ROR1: variants seen among roughly 807,000 people sequenced by gnomAD.
ROR1 encodes inactive tyrosine-protein kinase transmembrane receptor ROR1.
ROR1 carries 19 observed loss-of-function variants against 78.8 expected under a neutral mutation model. That is an observed-to-expected ratio of 0.24 (90% CI 0.17 to 0.35). The LOEUF (loss-of-function observed/expected upper bound fraction) is 0.35, where lower values mean the gene tolerates loss of function less well. Ranked by LOEUF, ROR1 falls within the 10% of genes least tolerant of loss-of-function variation. The pLI is 1.00. For synonymous variants in ROR1, 386 were observed against 433.6 expected (o/e 0.89, Z 1.36); for missense variants, 917 against 1,177.8 (o/e 0.78, Z 3.24).
intron 4 of ROR1, among the ~76,000 whole-genome samples, chr1:64,128,458 G>C (rs1364888614): frequency 1.3e-5 from 2 of 152,116 alleles, no homozygotes; most frequent in African/African-American, 4.8e-5. Context: ...GACAGAGTGA[G>C]ATCCTGTCTC....
At chr1:63,904,782 C>T (rs908372027) in intron 1 of ROR1, among the ~76,000 whole-genome samples, 2 of 152,166 alleles carry the variant, frequency 1.3e-5, no homozygotes, top group Admixed American at 6.5e-5. Flanking sequence ...GGACAGAAGA[C>T]AGCCATCTGT....
At chr1:63,969,941 C>T (rs1266631185) in intron 1 of ROR1, among the ~76,000 whole-genome samples, 1 of 152,110 alleles carries the variant, frequency 6.6e-6, no homozygotes, top group Non-Finnish European at 1.5e-5. Context: ...ATTACCTGCC[C>T]TCTTTTTCCT....
At chr1:64,104,739 G>T (rs1448066344) in intron 4 of ROR1, among the ~76,000 whole-genome samples, 1 of 152,122 alleles carries the variant, frequency 6.6e-6, no homozygotes, top group East Asian at 1.9e-4. Context: ...GTGATAGTTT[G>T]CTGAGAATGA....
chr1:63,880,765 T>C (rs774697121), intron 1 of ROR1, among the ~76,000 whole-genome samples: 37 of 152,160 alleles, frequency 2.4e-4, no homozygotes, highest in Non-Finnish European at 4.9e-4. Context: ...TGCATATCCA[T>C]CCATCTATCC....
intron 1 of ROR1, among the ~76,000 whole-genome samples, chr1:63,959,043 T>C (rs1177997939): frequency 6.6e-6 from 1 of 152,116 alleles, no homozygotes; most frequent in Admixed American, 6.6e-5. Context: ...ACTCGGTAAT[T>C]TATAAAGGAA....
intron 1 of ROR1, among the ~76,000 whole-genome samples, chr1:63,790,179 C>G (rs546624939): frequency 6.6e-6 from 1 of 152,278 alleles, no homozygotes; most frequent in South Asian, 2.1e-4. Context: ...TTGGGATCTT[C>G]TCTATCACTG....
At chr1:63,861,787 A>G (rs1369799031) in intron 1 of ROR1, among the ~76,000 whole-genome samples, 1 of 152,192 alleles carries the variant, frequency 6.6e-6, no homozygotes, top group Non-Finnish European at 1.5e-5. Context: ...AAAGGGTTCA[A>G]AAGGTTTTAG....
intron 1 of ROR1, among the ~76,000 whole-genome samples, chr1:63,791,598 G>A (rs1644727235): frequency 6.6e-6 from 1 of 152,050 alleles, no homozygotes; most frequent in Admixed American, 6.6e-5. Flanking sequence ...TCAGAAGGAG[G>A]CTGAGACCCC....
intron 8 of ROR1, among the ~76,000 whole-genome samples, chr1:64,174,854 C>G (rs1342455543): frequency 6.6e-6 from 1 of 152,026 alleles, no homozygotes; most frequent in East Asian, 1.9e-4. Flanking sequence ...AACTGGTTAC[C>G]TTTCTCATCA....
At chr1:63,785,524 T>C (rs1173923322) in intron 1 of ROR1, among the ~76,000 whole-genome samples, 1 of 148,972 alleles carries the variant, frequency 6.7e-6, no homozygotes, top group Admixed American at 6.7e-5. Context: ...TTTATTTATT[T>C]ATTTAATTTT....
chr1:63,926,431 G>A (rs1324086057), intron 1 of ROR1, among the ~76,000 whole-genome samples: 1 of 152,184 alleles, frequency 6.6e-6, no homozygotes, highest in African/African-American at 2.4e-5. Flanking sequence ...ATAGTTTGAA[G>A]TCAGGTAGTG....
chr1:63,784,793 G>A (rs890879448), intron 1 of ROR1, among the ~76,000 whole-genome samples: 8 of 152,236 alleles, frequency 5.3e-5, no homozygotes, highest in Non-Finnish European at 1.0e-4. Flanking sequence ...CTGGGCCATA[G>A]TTGGTTGTTG....
intron 1 of ROR1, among the ~76,000 whole-genome samples, chr1:63,997,843 TA>T (rs56119138): frequency 0.69 from 102,523 of 149,318 alleles, 37,256 homozygotes; most frequent in East Asian, 0.94. Flanking sequence ...TTTTTTTTTT[TA>T]AAAGTCTTTA....
intron 1 of ROR1, among the ~76,000 whole-genome samples, chr1:64,001,070 G>A (rs1646378943): frequency 6.6e-6 from 1 of 152,148 alleles, no homozygotes; most frequent in South Asian, 2.1e-4. Flanking sequence ...ATTTGTAACA[G>A]CCAGAAAATG....
At chr1:63,889,613 C>T (rs1645380711) in intron 1 of ROR1, among the ~76,000 whole-genome samples, 1 of 152,146 alleles carries the variant, frequency 6.6e-6, no homozygotes, top group Non-Finnish European at 1.5e-5. Context: ...AGATACCTAT[C>T]TTTATATAGT....
At chr1:64,075,993 A>G (rs909683336) in intron 4 of ROR1, among the ~76,000 whole-genome samples, 4 of 152,178 alleles carry the variant, frequency 2.6e-5, no homozygotes, top group Non-Finnish European at 5.9e-5. Context: ...CCAGTGTGAT[A>G]TTCTGTGCCT....
chr1:64,123,308 A>G (rs1648607699), intron 4 of ROR1, among the ~76,000 whole-genome samples: 1 of 152,202 alleles, frequency 6.6e-6, no homozygotes, highest in South Asian at 2.1e-4. Flanking sequence ...ATGTCTTGTT[A>G]TACTATTGTA....
intron 1 of ROR1, among the ~76,000 whole-genome samples, chr1:63,779,783 C>T (rs898069419): frequency 6.6e-6 from 1 of 152,118 alleles, no homozygotes; most frequent in Non-Finnish European, 1.5e-5. Flanking sequence ...TGGGATGCTA[C>T]CACCATCTGA....
intron 1 of ROR1, among the ~76,000 whole-genome samples, chr1:63,803,955 A>G (rs1644811880): frequency 6.6e-6 from 1 of 152,250 alleles, no homozygotes; most frequent in African/African-American, 2.4e-5. Context: ...AGCAAAACTC[A>G]GTGAAAATAA....
Sources: allele counts gnomAD v4.1 joint callset (sites outside exome capture counted in the v4.1 genomes callset), GRCh38; gene constraint gnomAD v4.1.1; transcripts MANE v1.5; gene names NCBI Gene and HGNC (gene_info 2026-07-23, HGNC 2026-07-21).